Variants in FER observed in about 807,000 individuals in gnomAD.
FER encodes tyrosine-protein kinase Fer.
Under a neutral mutation model 111.0 loss-of-function variants are expected in FER, and 63 were observed. That is an observed-to-expected ratio of 0.57 (90% CI 0.46 to 0.70). The LOEUF (loss-of-function observed/expected upper bound fraction) is 0.70. FER is among the 30% of genes least tolerant of loss of function. The probability of loss-of-function intolerance (pLI) is 0.00; values close to 1 mark genes in which losing one functional copy is unlikely to be tolerated. For missense variants in FER, 914 were observed against 954.0 expected, an observed-to-expected ratio of 0.96 and a Z score of 0.55; for synonymous variants, 327 against 313.9, an observed-to-expected ratio of 1.04 and a Z score of -0.44.
intron 13 of FER, among the ~76,000 whole-genome samples, chr5:109,028,554 A>G (rs1385707214): frequency 6.6e-6 from 1 of 152,172 alleles, no homozygotes; most frequent in Non-Finnish European, 1.5e-5. Context: ...TATGGGTTCA[A>G]ACATTGTTTC....
intron 3 of FER, chr5:108,819,919 G>A: frequency 1.0e-6 from 1 of 985,336 alleles, no homozygotes; most frequent in Non-Finnish European, 1.2e-6. Flanking sequence ...GATTGGGTTG[G>A]AGGAGGAAAG....
At chr5:108,856,101 A>G (rs1263027802) in intron 5 of FER, among the ~76,000 whole-genome samples, 1 of 152,192 alleles carries the variant, frequency 6.6e-6, no homozygotes, top group African/African-American at 2.4e-5. Flanking sequence ...TAGTACCCCA[A>G]TAAATAGATT....
intron 13 of FER, among the ~76,000 whole-genome samples, chr5:109,017,631 A>G (rs1767341889): frequency 6.6e-6 from 1 of 151,968 alleles, no homozygotes; most frequent in Non-Finnish European, 1.5e-5. Flanking sequence ...AATCAAAATA[A>G]AATTCATTTT....
At chr5:108,838,271 T>G (rs1030398233) in intron 5 of FER, among the ~76,000 whole-genome samples, 3 of 152,168 alleles carry the variant, frequency 2.0e-5, no homozygotes, top group Non-Finnish European at 4.4e-5. Flanking sequence ...TGGGCCAGAT[T>G]AGGACACTTT....
intron 5 of FER, among the ~76,000 whole-genome samples, chr5:108,838,116 T>G (rs911106166): frequency 6.6e-6 from 1 of 152,194 alleles, no homozygotes; most frequent in Non-Finnish European, 1.5e-5. Flanking sequence ...ATTTTATTTT[T>G]GAAAAATTTA....
At chr5:108,879,693 T>TAA (rs59305064) in intron 8 of FER, among the ~76,000 whole-genome samples, 80 of 116,642 alleles carry the variant, frequency 6.9e-4, no homozygotes, top group African/African-American at 1.3e-3. Context: ...TTTTTTAGAT[T>TAA]AAAAAAAAAT....
intron 13 of FER, among the ~76,000 whole-genome samples, chr5:109,026,870 G>A (rs554980883): frequency 7.4e-4 from 113 of 152,004 alleles, no homozygotes; most frequent in African/African-American, 2.5e-3. Context: ...TAGTAGAAAC[G>A]GGGTTTTACC....
intron 10 of FER, among the ~76,000 whole-genome samples, chr5:108,932,860 T>A (rs958361803): frequency 6.6e-6 from 1 of 151,592 alleles, no homozygotes; most frequent in African/African-American, 2.4e-5. Context: ...TGCCCACTTT[T>A]TTTTTTTTTT....
At chr5:108,806,936 TG>T (rs1757270573) in intron 3 of FER, among the ~76,000 whole-genome samples, 1 of 152,126 alleles carries the variant, frequency 6.6e-6, no homozygotes, top group African/African-American at 2.4e-5. Context: ...TGTGAGGACA[TG>T]AGATTTGGGA....
chr5:109,179,839 C>A (rs1180849717), intron 17 of FER, among the ~76,000 whole-genome samples: 1 of 152,010 alleles, frequency 6.6e-6, no homozygotes, highest in Non-Finnish European at 1.5e-5. Flanking sequence ...AGGGGGGGTC[C>A]TGGAACCAAT....
chr5:109,140,155 T>G (rs1753372911), intron 17 of FER, among the ~76,000 whole-genome samples: 1 of 152,202 alleles, frequency 6.6e-6, no homozygotes, highest in African/African-American at 2.4e-5. Flanking sequence ...CATATGCTTA[T>G]TATATTAAAA....
chr5:108,982,640 A>G (rs1024034790), intron 13 of FER, among the ~76,000 whole-genome samples: 1 of 152,068 alleles, frequency 6.6e-6, no homozygotes, highest in African/African-American at 2.4e-5. Context: ...ATCATTCTGA[A>G]GTGATTTGAA....
intron 1 of FER, among the ~76,000 whole-genome samples, chr5:108,761,510 A>T (rs1751748749): frequency 6.6e-6 from 1 of 152,202 alleles, no homozygotes; most frequent in Admixed American, 6.5e-5. Context: ...AAAACAATTA[A>T]GATAGTAATA....
intron 13 of FER, among the ~76,000 whole-genome samples, chr5:109,004,881 C>T (rs1427858984): frequency 6.6e-6 from 1 of 151,922 alleles, no homozygotes. Flanking sequence ...TAATAAGTAT[C>T]ATATTACCAA....
intron 13 of FER, among the ~76,000 whole-genome samples, chr5:109,018,832 C>T (rs2149823771): frequency 6.6e-6 from 1 of 151,654 alleles, no homozygotes; most frequent in East Asian, 1.9e-4. Context: ...ACATCGTTTT[C>T]TGGATATTTT....
At chr5:108,803,665 T>C (rs1482459358) in intron 3 of FER, among the ~76,000 whole-genome samples, 1 of 151,638 alleles carries the variant, frequency 6.6e-6, no homozygotes, top group African/African-American at 2.4e-5. Context: ...TTAATTTCTG[T>C]GTTTTCTAAT....
rs970501889 is a variant in FER at position 109,031,474 on chromosome 5, A to C, written c.1657-5948A>C. On this transcript the variant is annotated intron_variant, in intron 13 of 19. Transcript: ENST00000281092. ...ATACATTCTATATTTGTATAGTAGA[A>C]CAAATGCTCACATTTTTAAAAAAAA... 1.1e-4 allele frequency among the ~76,000 whole-genome samples: 17 copies of C among 152,284 alleles called. No individual in the cohort carries two copies. In the Middle Eastern group the frequency reaches 0.024, roughly 213 times the overall value.
rs144746270 is a variant in FER, at chr5:108,766,250, T to C, written c.-205-1843T>C. Among the ~76,000 whole-genome samples the C allele has an allele frequency of 8.5e-5, 13 of 152,324 alleles. No homozygotes were observed. In the East Asian group the frequency reaches 2.5e-3, roughly 29 times the overall value. ...TCTGGCCATCATTAAAATTTTATAT[T>C]TAAAAATAATTTTGTCATGAATTTT... On this transcript the variant is annotated intron_variant, in intron 1 of 19. Coordinates refer to ENST00000281092, the MANE Select transcript of FER (RefSeq NM_005246.4).
chr5:108,935,632 C>T (rs1446695905), intron 10 of FER, among the ~76,000 whole-genome samples: 1 of 152,032 alleles, frequency 6.6e-6, no homozygotes, highest in Non-Finnish European at 1.5e-5. Flanking sequence ...AAAATTAAAA[C>T]TTTGGTTGTG....
Sources: gnomAD v4.1 joint callset for allele counts (sites outside exome capture counted in the v4.1 genomes callset) on GRCh38, gnomAD v4.1.1 for gene constraint, MANE v1.5 for transcripts, NCBI Gene and HGNC (gene_info 2026-07-23, HGNC 2026-07-21) for gene names.